CNDP1: variants seen among roughly 807,000 people sequenced by gnomAD.
CNDP1 encodes beta-Ala-His dipeptidase.
Under a neutral mutation model 58.1 loss-of-function variants are expected in CNDP1, and 44 were observed. That is an observed-to-expected ratio of 0.76 (90% CI 0.60 to 0.97). CNDP1 has a LOEUF of 0.97. Among genes scored for constraint, CNDP1 ranks in the 50% least tolerant of loss-of-function variants. The pLI is 0.00. For synonymous variants in CNDP1, 254 were observed against 252.6 expected (o/e 1.01, Z -0.05); for missense variants, 616 against 655.1 (o/e 0.94, Z 0.65).
At chr18:74,552,612 T>C (rs1980939081) in intron 1 of CNDP1, among the ~76,000 whole-genome samples, 2 of 152,256 alleles carry the variant, frequency 1.3e-5, no homozygotes, top group Non-Finnish European at 2.9e-5. Flanking sequence ...TTATGTAAGA[T>C]AAAAATCATT....
At chr18:74,565,191 C>A (rs1326608772) in intron 5 of CNDP1, among the ~76,000 whole-genome samples, 1 of 152,196 alleles carries the variant, frequency 6.6e-6, no homozygotes, top group Non-Finnish European at 1.5e-5. Context: ...TCAATTACCT[C>A]CCCGTGGGTC....
intron 1 of CNDP1, among the ~76,000 whole-genome samples, chr18:74,535,093 T>C (rs1216000640): frequency 6.6e-6 from 1 of 152,160 alleles, no homozygotes; most frequent in African/African-American, 2.4e-5. Flanking sequence ...GTTCCCGACT[T>C]AAGGGCTAGT....
At chr18:74,558,392 C>CTTTTTTTTTTTTTTTTTTTT (rs71168498) in intron 2 of CNDP1, among the ~76,000 whole-genome samples, 1 of 114,312 alleles carries the variant, frequency 8.7e-6, no homozygotes, top group Non-Finnish European at 1.7e-5. Flanking sequence ...CTTTCTTTTT[C>CTTTTTTTTTTTTTTTTTTTT]TTTTTTTTTT....
chr18:74,555,371 C>G (rs1251184646), intron 1 of CNDP1, among the ~76,000 whole-genome samples: 1 of 152,118 alleles, frequency 6.6e-6, no homozygotes, highest in Non-Finnish European at 1.5e-5. Context: ...TGGCCCTTCC[C>G]AGCCCTCGCT....
chr18:74,572,808 A>AAAAAAAAAAAAAGAAAG (rs1555710825), intron 7 of CNDP1, among the ~76,000 whole-genome samples: 1 of 135,392 alleles, frequency 7.4e-6, no homozygotes, highest in African/African-American at 3.0e-5. Context: ...AAAAAAAAAA[A>AAAAAAAAAAAAAGAAAG]AAAGAAAGAA....
rs1471809465 is a variant in CNDP1 at position 74,545,633 on chromosome 18, C to G, written c.25-10705C>G. Reference sequence around the variant, plus strand: ...CTCTGTCCCCAGTCCACGTCTCTCTCAACTCCCCACTCCCTCCGACCCTCC... The same window carrying G: ...CTCTGTCCCCAGTCCACGTCTCTCTGAACTCCCCACTCCCTCCGACCCTCC... On this transcript the variant is annotated intron_variant, in intron 1 of 11. Coordinates refer to ENST00000358821, the MANE Select transcript of CNDP1 (RefSeq NM_032649.6). This position sits in a 1 kb window ranked among gnomAD's most constrained non-coding sequence, Gnocchi z 4.1. Among the ~76,000 whole-genome samples, 3 of 152,120 alleles carry G rather than the reference C, an allele frequency of 2.0e-5. No individual in the cohort carries two copies. Among genetic ancestry groups the G allele is most frequent in the African/African-American group, 7.2e-5 (3 of 41,414 alleles).
Position 74,539,575 on chromosome 18 carries a change from T to C in CNDP1, c.24+4884T>C, listed in dbSNP as rs181021317. 2.6e-5 allele frequency among the ~76,000 whole-genome samples: 4 copies of C among 152,332 alleles called. No individual in the cohort carries two copies. In the East Asian group the frequency reaches 7.7e-4, roughly 29 times the overall value. ...GCAGGATTCCTCCGACCAAACTCCT[T>C]GTTAGTGTTGTTGGTGCACATGGGC... On this transcript the variant is annotated intron_variant, in intron 1 of 11. Coordinates refer to ENST00000358821, the MANE Select transcript of CNDP1 (RefSeq NM_032649.6).
intron 1 of CNDP1, among the ~76,000 whole-genome samples, chr18:74,551,267 T>A (rs1568293327): frequency 6.6e-6 from 1 of 151,744 alleles, no homozygotes; most frequent in Non-Finnish European, 1.5e-5. Flanking sequence ...TAACCCTATT[T>A]TTTTTTAATA....
intron 6 of CNDP1, among the ~76,000 whole-genome samples, chr18:74,568,883 G>C (rs184095052): frequency 7.9e-5 from 12 of 152,222 alleles, no homozygotes; most frequent in Middle Eastern, 3.4e-3. Context: ...GACAGAGAAG[G>C]CTGGCCCAGG....
At chr18:74,572,808 A>AAAAGAAAG (rs766981720) in intron 7 of CNDP1, among the ~76,000 whole-genome samples, 10 of 135,420 alleles carry the variant, frequency 7.4e-5, no homozygotes, top group East Asian at 2.2e-4. Context: ...AAAAAAAAAA[A>AAAAGAAAG]AAAGAAAGAA....
intron 1 of CNDP1, 38 bp downstream of exon 1, chr18:74,534,729 G>C (rs1980442833): frequency 6.2e-7 from 1 of 1,612,772 alleles, no homozygotes; most frequent in African/African-American, 1.3e-5. Flanking sequence ...CGTGCATTGG[G>C]TGCCAGAATT....
chr18:74,545,127 C>G lies in CNDP1; in HGVS notation c.24+10436C>G, dbSNP rs1980726514. ...TGATTTAGGTTTCTGGCCTCTAAAA[C>G]TGTGGGAGAATAAAGTCCTGGTGTT... On this transcript the variant is annotated intron_variant, in intron 1 of 11. Coordinates refer to ENST00000358821, the MANE Select transcript of CNDP1 (RefSeq NM_032649.6). The surrounding 1 kb of genome is among the most constrained non-coding windows in gnomAD (Gnocchi z 4.1). Among the ~76,000 whole-genome samples, 1 of 152,214 alleles carries G rather than the reference C, an allele frequency of 6.6e-6. No individual in the cohort carries two copies. The highest frequency in any genetic ancestry group is 6.5e-5 in the Admixed American group (1 of 15,286).
intron 1 of CNDP1, among the ~76,000 whole-genome samples, chr18:74,538,586 C>A (rs568188479): frequency 6.6e-6 from 1 of 152,130 alleles, no homozygotes; most frequent in Admixed American, 6.5e-5. Flanking sequence ...ACAGTAGCTC[C>A]GTGGATCAGT....
intron 7 of CNDP1, among the ~76,000 whole-genome samples, chr18:74,574,193 C>T (rs1981570736): frequency 6.6e-6 from 1 of 152,234 alleles, no homozygotes; most frequent in South Asian, 2.1e-4. Context: ...CTCCTCACCT[C>T]TCTGTCTCTG....
chr18:74,554,337 C>T (rs547326571), intron 1 of CNDP1, among the ~76,000 whole-genome samples: 160 of 152,298 alleles, frequency 1.1e-3, no homozygotes, highest in African/African-American at 3.6e-3. Context: ...CTGGGAGTGG[C>T]TTTCCTTTTG....
intron 7 of CNDP1, among the ~76,000 whole-genome samples, chr18:74,575,867 A>T (rs11872770): frequency 0.012 from 1,175 of 94,774 alleles, 34 homozygotes; most frequent in African/African-American, 0.045. Flanking sequence ...GTGTGTATAC[A>T]TTTTTTTTTT....
At position 74,534,526 on chromosome 18, in the gene CNDP1, C is replaced by T. The variant is rs1980433608; in HGVS notation, c.-142C>T. ...GATGTGAATAGCTCCACTATACCAG[C>T]CTCGTCTTCCTTCCGGGGGACAACG... is the stretch of plus-strand genomic sequence containing the variant. On this transcript the variant is annotated 5_prime_UTR_variant, in exon 1 of 12. Transcript: ENST00000358821. 1.2e-6 allele frequency: 1 copy of T among 800,826 alleles called. No homozygotes were observed. Among genetic ancestry groups the T allele is most frequent in the Non-Finnish European group, 2.1e-6 (1 of 472,854 alleles). 49.6% of individuals were successfully genotyped at this position (800,826 alleles called of 1,614,324 possible).
rs543434079 is a variant in CNDP1 at position 74,582,239 on chromosome 18, G to A, written c.1310-1322G>A. ...TATTTGTGTGCTAAACTGGTTCTGCGAACGAGGCACATCACTTCGATTCAC... is the reference window on the plus strand; with the variant it reads ...TATTTGTGTGCTAAACTGGTTCTGCAAACGAGGCACATCACTTCGATTCAC... On this transcript the variant is annotated intron_variant, in intron 10 of 11. Coordinates refer to ENST00000358821, the MANE Select transcript of CNDP1 (RefSeq NM_032649.6). 3.3e-5 allele frequency among the ~76,000 whole-genome samples: 5 copies of A among 152,290 alleles called. No individual in the cohort carries two copies. In the East Asian group the frequency reaches 7.7e-4, roughly 24 times the overall value.
intron 3 of CNDP1, among the ~76,000 whole-genome samples, chr18:74,559,924 C>T (rs969236694): frequency 1.3e-4 from 20 of 151,780 alleles, no homozygotes; most frequent in African/African-American, 2.7e-4. Flanking sequence ...GCACCCGCTG[C>T]GCTTACTTTA....
Sources: allele counts gnomAD v4.1 joint callset (sites outside exome capture counted in the v4.1 genomes callset), GRCh38; gene constraint gnomAD v4.1.1; non-coding constraint Gnocchi (gnomAD v3.1); transcripts MANE v1.5; gene names NCBI Gene and HGNC (gene_info 2026-07-23, HGNC 2026-07-21).